ZNF599: variants seen among roughly 807,000 people sequenced by gnomAD.
The protein encoded by ZNF599 is zinc finger protein 599.
ZNF599 carries 10 observed loss-of-function variants against 11.7 expected under a neutral mutation model. That is an observed-to-expected ratio of 0.86 (90% CI 0.53 to 1.45). The LOEUF is 1.45. ZNF599 is among the 40% of genes most tolerant of loss of function. ZNF599 has a pLI of 0.00. For missense variants in ZNF599, 688 were observed against 713.6 expected, an observed-to-expected ratio of 0.96 and a Z score of 0.41; for synonymous variants, 232 against 253.2, an observed-to-expected ratio of 0.92 and a Z score of 0.79.
the ZNF599 span, among the ~76,000 whole-genome samples, chr19:34,802,839 T>A: frequency 6.6e-6 from 1 of 152,142 alleles, no homozygotes; most frequent in Non-Finnish European, 1.5e-5. Flanking sequence ...TTCCCCCTGC[T>A]CCCAGCTGAG....
rs747797239 is a variant in ZNF599 at position 34,759,341 on chromosome 19, GCTTTTGC to G, written c.1453_1459del (p.Ala485ProfsTer12). 6.2e-7 allele frequency: 1 copy of G among 1,613,994 alleles called. No individual in the cohort carries two copies. Among genetic ancestry groups the G allele is most frequent in the South Asian group, 1.1e-5 (1 of 91,078 alleles). On this transcript the variant is annotated frameshift_variant, in exon 4 of 4. Transcript: ENST00000329285. LOFTEE classifies it low-confidence loss of function (END_TRUNC). The stretch of plus-strand genomic sequence containing the variant: ...AGTGAAGGAAGAGCTATAGTAAAAG[GCTTTTGC>G]ACATTCTTTGCACTCCAAGGGTTTT...
At position 34,758,934 on chromosome 19, in the gene ZNF599, C is replaced by T; in HGVS notation, c.*100G>A. Reference sequence around the variant, plus strand: ...TCAGATACTAAGACATCTCTCTGGCCAAAATATTTCCCTCAATAGTTATAC... The same window carrying T: ...TCAGATACTAAGACATCTCTCTGGCTAAAATATTTCCCTCAATAGTTATAC... On this transcript the variant is annotated 3_prime_UTR_variant, in exon 4 of 4. Coordinates refer to ENST00000329285, the MANE Select transcript of ZNF599 (RefSeq NM_001007248.3). 7.7e-7 allele frequency: 1 copy of T among 1,302,144 alleles called. No individual in the cohort carries two copies. The highest frequency in any genetic ancestry group is 1.1e-6 in the Non-Finnish European group (1 of 943,688). The allele number at this position is 1,302,144 out of a possible 1,614,324, so 80.7% of individuals were successfully genotyped here.
Position 34,772,864 on chromosome 19 carries a change from C to A in ZNF599, c.-23G>T, listed in dbSNP as rs768353839. Reference sequence around the variant, plus strand: ...CATGGGCCCAGGGGGCTGGGTGAGGCCGTGAGAGTCGGCGAGGAAGCCGGT... The same window carrying A: ...CATGGGCCCAGGGGGCTGGGTGAGGACGTGAGAGTCGGCGAGGAAGCCGGT... On this transcript the variant is annotated 5_prime_UTR_variant, in exon 1 of 4. Transcript: ENST00000329285. 1.8e-5 allele frequency: 26 copies of A among 1,452,746 alleles called. No individual in the cohort carries two copies. Among genetic ancestry groups the A allele is most frequent in the Non-Finnish European group, 2.1e-5 (23 of 1,107,348 alleles). The allele number at this position is 1,452,746 out of a possible 1,614,324, so 90.0% of individuals were successfully genotyped here. A position where few individuals can be genotyped will look rare whatever the true frequency, so the allele number is the denominator to read the frequency against.
chr19:34,773,135 G>A lies in ZNF599; in HGVS notation c.-294C>T, dbSNP rs2069196875. The A allele has an allele frequency of 2.5e-6, 1 of 396,942 alleles. No individual in the cohort carries two copies. Among genetic ancestry groups the A allele is most frequent in the Non-Finnish European group, 4.5e-6 (1 of 223,484 alleles). 24.6% of individuals were successfully genotyped at this position (396,942 alleles called of 1,614,324 possible). Reference sequence around the variant, plus strand: ...CGTCTCTACTCGGTCTCGAAAAGTGGCCCCTGTCTGGCGTTCTACCCAGTG... The same window carrying A: ...CGTCTCTACTCGGTCTCGAAAAGTGACCCCTGTCTGGCGTTCTACCCAGTG... On this transcript the variant is annotated 5_prime_UTR_variant, in exon 1 of 4. Coordinates refer to ENST00000329285, the MANE Select transcript of ZNF599 (RefSeq NM_001007248.3).
In ZNF599 at chr19:34,769,487, G is replaced by A. The variant is rs529748288; in HGVS notation, c.87C>T (p.Ala29=). Residue 29 remains alanine (A), a synonymous_variant, in exon 2 of 4, where the codon GCC becomes GCT. Transcript: ENST00000329285. ...TCACCTCCTGGTACAGGGTCCTCTG[G>A]GCCAGGTCCAGGTGCCCCCATTCCT... is the stretch of plus-strand genomic sequence containing the variant. ...TGEEWGHLDL[A]QRTLYQEVML... The A allele has an allele frequency of 1.1e-5, 17 of 1,614,166 alleles. No individual in the cohort carries two copies. The highest frequency in any genetic ancestry group is 1.4e-5 in the Non-Finnish European group (17 of 1,180,016).
chr19:34,770,437 G>A (rs1169681629), intron 1 of ZNF599, among the ~76,000 whole-genome samples: 1 of 152,236 alleles, frequency 6.6e-6, no homozygotes, highest in Non-Finnish European at 1.5e-5. Context: ...TATTGCCAGA[G>A]GTATGGAAGG....
intron 2 of ZNF599, among the ~76,000 whole-genome samples, chr19:34,768,180 T>TCTGC (rs1374249913): frequency 1.3e-5 from 2 of 152,188 alleles, no homozygotes; most frequent in African/African-American, 4.8e-5. Flanking sequence ...CAGCAAATGT[T>TCTGC]CTGCCATATG....
the ZNF599 span, among the ~76,000 whole-genome samples, chr19:34,792,755 C>T: frequency 0.38 from 56,829 of 151,478 alleles, 11,148 homozygotes; most frequent in Non-Finnish European, 0.43. Context: ...CCCAGCTACT[C>T]GGGAGGCTGA....
intron 2 of ZNF599, among the ~76,000 whole-genome samples, chr19:34,768,090 C>T (rs895775229): frequency 1.6e-4 from 25 of 152,204 alleles, no homozygotes; most frequent in African/African-American, 6.0e-4. Context: ...ACTGGAAAAT[C>T]TTGTCCTGGC....
intron 2 of ZNF599, among the ~76,000 whole-genome samples, chr19:34,768,527 T>A (rs1409115136): frequency 2.0e-5 from 3 of 152,232 alleles, no homozygotes; most frequent in Admixed American, 2.0e-4. Context: ...ATTAAAGGTT[T>A]AGGTGGGAGA....
chr19:34,764,491 G>A (rs2069130486), intron 3 of ZNF599: 1 of 152,204 alleles, frequency 6.6e-6, no homozygotes. Flanking sequence ...CATAAGAGTA[G>A]TCTTCATAAT....
In ZNF599 at chr19:34,758,900, T is replaced by A; in HGVS notation, c.*134A>T. 2.4e-6 allele frequency: 2 copies of A among 819,882 alleles called. No individual in the cohort carries two copies. Among genetic ancestry groups the A allele is most frequent in the Non-Finnish European group, 3.8e-6 (2 of 524,368 alleles). The allele number at this position is 819,882 out of a possible 1,614,324, so 50.8% of individuals were successfully genotyped here. On this transcript the variant is annotated 3_prime_UTR_variant, in exon 4 of 4. Transcript: ENST00000329285. ...CAGGGACAATTCTGTTTCTAGTTAG[T>A]ATAAATTATCAGATACTAAGACATC... is the stretch of plus-strand genomic sequence containing the variant.
In ZNF599 at chr19:34,759,902, T is replaced by C. The variant is rs201871448; in HGVS notation, c.899A>G (p.Gln300Arg). 9 of 1,614,212 alleles carry C rather than the reference T, an allele frequency of 5.6e-6. No individual in the cohort carries two copies. Among genetic ancestry groups the C allele is most frequent in the Admixed American group, 1.7e-5 (1 of 60,024 alleles). Residue 300 changes from glutamine (Q) to arginine (R), a missense_variant, in exon 4 of 4, where the codon CAG (glutamine) becomes CGG (arginine). Transcript: ENST00000329285. ...TTCTCGAGTGTGAGTCATATTATGC[T>C]GGATAAAAGAAGAGCGGTGGGTGAA... is the stretch of plus-strand genomic sequence containing the variant. ...KAFTHRSSFI[Q>R]HNMTHTREKP...
chr19:34,785,909 G>A, the ZNF599 span, among the ~76,000 whole-genome samples: 1 of 152,092 alleles, frequency 6.6e-6, no homozygotes, highest in Non-Finnish European at 1.5e-5. Context: ...GTTATAGTTG[G>A]GTGCTCCAAC....
the ZNF599 span, among the ~76,000 whole-genome samples, chr19:34,793,336 G>A: frequency 1.3e-5 from 2 of 152,214 alleles, no homozygotes; most frequent in Non-Finnish European, 2.9e-5. Flanking sequence ...GGGATGTTGT[G>A]AGGGCTAATC....
upstream of ZNF599, among the ~76,000 whole-genome samples, chr19:34,777,588 A>C (rs1046445262): frequency 2.3e-5 from 3 of 130,616 alleles, no homozygotes; most frequent in East Asian, 4.1e-4. Context: ...TATATATATC[A>C]TATATATAGG....
chr19:34,783,726 G>T, the ZNF599 span, among the ~76,000 whole-genome samples: 1 of 152,154 alleles, frequency 6.6e-6, no homozygotes, highest in Non-Finnish European at 1.5e-5. Context: ...CCATCTCCCA[G>T]TGTCAGCAAG....
Position 34,759,837 on chromosome 19 carries a change from A to C in ZNF599, c.964T>G (p.Tyr322Asp). 1 of 1,614,132 alleles carries C rather than the reference A, an allele frequency of 6.2e-7. No homozygotes were observed. The highest frequency in any genetic ancestry group is 1.3e-5 in the African/African-American group (1 of 75,030). ...LCKECGKAFY[Y>D]SSSFAQHMRI... ...ATATGTTGAGCAAATGAGGAGCTGT[A>C]GTAAAAAGCTTTCCCACATTCTTTG... The change falls in exon 4 of 4, where the codon TAC becomes GAC. Residue 322 changes from tyrosine (Y) to aspartate (D), a missense_variant. Transcript: ENST00000329285.
At chr19:34,764,352 T>C (rs1014652662) in intron 3 of ZNF599, 3 of 152,232 alleles carry the variant, frequency 2.0e-5, no homozygotes, top group Non-Finnish European at 4.4e-5. Flanking sequence ...ATGGTGTAGT[T>C]ACTCTGAAAC....
Sources: allele counts gnomAD v4.1 joint callset (sites outside exome capture counted in the v4.1 genomes callset), GRCh38; gene constraint gnomAD v4.1.1; transcripts MANE v1.5; gene names NCBI Gene and HGNC (gene_info 2026-07-23, HGNC 2026-07-21).